The following PHF21A variants were observed in gnomAD, a reference collection of about 807,000 sequenced individuals.
The protein encoded by PHF21A is BHC80a.
In PHF21A, 11 loss-of-function variants were observed where a neutral mutation model predicts 82.5. The ratio of observed to expected loss-of-function variants is 0.13; its 90% CI spans 0.08 to 0.22. The LOEUF is 0.22. Among genes scored for constraint, PHF21A ranks in the 10% least tolerant of loss-of-function variants. The probability of loss-of-function intolerance (pLI) is 1.00; values close to 1 mark genes in which losing one functional copy is unlikely to be tolerated. For missense variants in PHF21A, 579 were observed against 837.8 expected (o/e 0.69, Z 3.81); for synonymous variants, 297 against 302.8 (o/e 0.98, Z 0.20).
chr11:46,062,772 A>C (rs940056635), intron 6 of PHF21A, among the ~76,000 whole-genome samples: 1 of 152,254 alleles, frequency 6.6e-6, no homozygotes, highest in African/African-American at 2.4e-5. Flanking sequence ...AGTTTCTTAA[A>C]AAGTTAAAAA....
At chr11:45,948,412 G>C (rs1233862374) in intron 14 of PHF21A, among the ~76,000 whole-genome samples, 3 of 152,180 alleles carry the variant, frequency 2.0e-5, no homozygotes, top group Non-Finnish European at 4.4e-5. Context: ...AAGATTCTAA[G>C]TTCTCAAGTG....
chr11:46,010,462 C>G (rs1190249561), intron 6 of PHF21A, among the ~76,000 whole-genome samples: 1 of 152,158 alleles, frequency 6.6e-6, no homozygotes, highest in Non-Finnish European at 1.5e-5. Context: ...GTGGCAAAGC[C>G]AGAAACCAAA....
At chr11:46,092,737 C>T (rs1475920716) in intron 1 of PHF21A, among the ~76,000 whole-genome samples, 2 of 148,578 alleles carry the variant, frequency 1.3e-5, no homozygotes, top group Non-Finnish European at 3.0e-5. Context: ...AACTTTTTTT[C>T]ACATTCTTAG....
chr11:45,962,338 T>C (rs1015361939), intron 10 of PHF21A, among the ~76,000 whole-genome samples: 2 of 152,156 alleles, frequency 1.3e-5, no homozygotes, highest in African/African-American at 2.4e-5. Context: ...GGTTCTTCCA[T>C]GGCTACATAC....
At chr11:46,065,407 A>G (rs897640096) in intron 6 of PHF21A, among the ~76,000 whole-genome samples, 12 of 152,246 alleles carry the variant, frequency 7.9e-5, no homozygotes, top group Non-Finnish European at 1.5e-4. Flanking sequence ...CAGCCATCCC[A>G]TGACAACAGC....
At chr11:46,072,439 T>G (rs1400156738) in intron 6 of PHF21A, among the ~76,000 whole-genome samples, 1 of 152,218 alleles carries the variant, frequency 6.6e-6, no homozygotes, top group East Asian at 1.9e-4. Flanking sequence ...GAAAGCTGCA[T>G]GCTGAGAATG....
At chr11:45,993,059 A>T (rs2094773405) in intron 6 of PHF21A, among the ~76,000 whole-genome samples, 1 of 152,208 alleles carries the variant, frequency 6.6e-6, no homozygotes, top group South Asian at 2.1e-4. Flanking sequence ...TTGGAATCCA[A>T]CCAGAACACT....
chr11:46,111,339 G>A (rs988839485), intron 1 of PHF21A, among the ~76,000 whole-genome samples: 3 of 151,772 alleles, frequency 2.0e-5, no homozygotes, highest in Non-Finnish European at 4.4e-5. Context: ...GCATGGAGGT[G>A]CATGCCTGTA....
intron 13 of PHF21A, 37 bp downstream of exon 13, chr11:45,949,365 G>T (rs1181586161): frequency 1.3e-6 from 2 of 1,544,248 alleles, no homozygotes; most frequent in Non-Finnish European, 1.8e-6. Flanking sequence ...AATAAAACTG[G>T]AACATGAGGG....
intron 1 of PHF21A, among the ~76,000 whole-genome samples, chr11:46,109,536 A>G (rs941047910): frequency 7.2e-6 from 1 of 139,284 alleles, no homozygotes; most frequent in Non-Finnish European, 1.6e-5. Context: ...TTAGTAAAAT[A>G]AAATTTTTAA....
rs2094194168 is a variant in PHF21A, at chr11:45,979,637, C to G, written c.360+123G>C. 3 of 1,379,484 alleles carry G rather than the reference C, an allele frequency of 2.2e-6. No individual in the cohort carries two copies. The Admixed American group carries it at 5.5e-5, about 25-fold the overall frequency. 85.5% of individuals were successfully genotyped at this position (1,379,484 alleles called of 1,614,324 possible). On this transcript the variant is annotated intron_variant, in intron 7 of 18. Coordinates refer to ENST00000676320, the MANE Select transcript of PHF21A (RefSeq NM_001352027.3). ...CTGGGTTATACTGTAAAAAAGCAAT[C>G]AAAATAACTTTTGTTTAGTTCTAGC...
chr11:46,018,150 T>G (rs376126142), intron 6 of PHF21A, among the ~76,000 whole-genome samples: 174 of 149,760 alleles, frequency 1.2e-3, no homozygotes, highest in African/African-American at 3.9e-3. Flanking sequence ...CTTGGGAGGC[T>G]GAGGCAGGAG....
intron 7 of PHF21A, among the ~76,000 whole-genome samples, chr11:45,978,542 G>A (rs1477308021): frequency 6.6e-6 from 1 of 152,186 alleles, no homozygotes; most frequent in Non-Finnish European, 1.5e-5. Context: ...ACAGCCAACT[G>A]AACTATACTC....
At chr11:46,075,539 G>T (rs920041777) in intron 6 of PHF21A, among the ~76,000 whole-genome samples, 1 of 152,116 alleles carries the variant, frequency 6.6e-6, no homozygotes, top group Non-Finnish European at 1.5e-5. Context: ...CATACTAACC[G>T]ACTCTGTTTA....
At chr11:46,043,780 C>T (rs191463810) in intron 6 of PHF21A, among the ~76,000 whole-genome samples, 85 of 152,208 alleles carry the variant, frequency 5.6e-4, no homozygotes, top group African/African-American at 2.0e-3. Flanking sequence ...GAGAGGACCC[C>T]GCTGTCATAT....
intron 12 of PHF21A, 106 bp from the exon 13 acceptor site, chr11:45,949,587 G>A: frequency 1.0e-6 from 1 of 958,038 alleles, no homozygotes; most frequent in Non-Finnish European, 1.7e-6. Context: ...CAGAATCAGG[G>A]ACAAGTCTCT....
intron 6 of PHF21A, among the ~76,000 whole-genome samples, chr11:46,035,422 CTG>C (rs1491181121): frequency 6.6e-6 from 1 of 151,716 alleles, no homozygotes; most frequent in African/African-American, 2.4e-5. Context: ...TGTTTTGACT[CTG>C]TTGGTTACTT....
intron 6 of PHF21A, among the ~76,000 whole-genome samples, chr11:46,037,371 G>A (rs1021045429): frequency 1.3e-5 from 2 of 152,192 alleles, no homozygotes; most frequent in African/African-American, 4.8e-5. Context: ...GCCTGGCACA[G>A]TGGCTCATGC....
intron 1 of PHF21A, among the ~76,000 whole-genome samples, chr11:46,099,562 A>ACACC (rs1228299404): frequency 6.2e-5 from 9 of 146,040 alleles, no homozygotes; most frequent in African/African-American, 2.3e-4. Context: ...ACACACACAC[A>ACACC]CCCTAAACAC....
Sources: allele counts gnomAD v4.1 joint callset (sites outside exome capture counted in the v4.1 genomes callset), GRCh38; gene constraint gnomAD v4.1.1; transcripts MANE v1.5; gene names NCBI Gene and HGNC (gene_info 2026-07-23, HGNC 2026-07-21).